SNPH: variants seen among roughly 807,000 people sequenced by gnomAD.
SNPH encodes syntaphilin.
Under a neutral mutation model 36.8 loss-of-function variants are expected in SNPH, and 10 were observed. That is an observed-to-expected ratio of 0.27 (90% CI 0.17 to 0.46). The LOEUF (loss-of-function observed/expected upper bound fraction) is 0.46, where lower values mean the gene tolerates loss of function less well. SNPH is among the 20% of genes least tolerant of loss of function. The probability of loss-of-function intolerance (pLI) is 1.00; values close to 1 mark genes in which losing one functional copy is unlikely to be tolerated. For missense variants in SNPH, 622 were observed against 744.0 expected (o/e 0.84, Z 1.91); for synonymous variants, 281 against 312.2 (o/e 0.90, Z 1.05).
rs1290599519 is a variant in SNPH, at chr20:1,285,758, C to T, written c.-492-9193C>T. The stretch of plus-strand genomic sequence containing the variant: ...TGTTCAAGCCGTGGTTTCTTTCTGT[C>T]GGGTTAGTCTGCCTGTCAGCAAAAG... On this transcript the variant is annotated intron_variant, in intron 2 of 6. Coordinates refer to ENST00000381867, the MANE Select transcript of SNPH (RefSeq NM_001318234.2). This position sits in a 1 kb window ranked among gnomAD's most constrained non-coding sequence, Gnocchi z 4.9. Among the ~76,000 whole-genome samples the T allele has an allele frequency of 2.0e-5, 3 of 152,096 alleles. No individual in the cohort carries two copies. Among genetic ancestry groups the T allele is most frequent in the Non-Finnish European group, 4.4e-5 (3 of 68,042 alleles).
intron 2 of SNPH, among the ~76,000 whole-genome samples, chr20:1,280,998 G>A (rs1259447685): frequency 6.6e-6 from 1 of 152,166 alleles, no homozygotes; most frequent in Non-Finnish European, 1.5e-5. Flanking sequence ...GCAACTCTGG[G>A]TGGAGTGGGG....
rs1172996029 is a variant in SNPH, at chr20:1,296,033, A to G, written c.-207A>G. 2 of 491,802 alleles carry G rather than the reference A, an allele frequency of 4.1e-6. No individual in the cohort carries two copies. The highest frequency in any genetic ancestry group is 7.0e-6 in the Non-Finnish European group (2 of 285,280). 30.5% of individuals were successfully genotyped at this position (491,802 alleles called of 1,614,324 possible). A position where few individuals can be genotyped will look rare whatever the true frequency, so the allele number is the denominator to read the frequency against. ...TCCTGAAGCCTCTGTGACCTTGGGC[A>G]CGGCCTTCACTCTGTCTGGGGCACA... On this transcript the variant is annotated 5_prime_UTR_variant, in exon 4 of 7. Transcript: ENST00000381867.
Position 1,294,051 on chromosome 20 carries a change from G to C in SNPH, c.-492-900G>C, listed in dbSNP as rs1006155974. Among the ~76,000 whole-genome samples the C allele has an allele frequency of 6.6e-6, 1 of 152,166 alleles. No individual in the cohort carries two copies. Among genetic ancestry groups the C allele is most frequent in the African/African-American group, 2.4e-5 (1 of 41,428 alleles). On this transcript the variant is annotated intron_variant, in intron 2 of 6. Coordinates refer to ENST00000381867, the MANE Select transcript of SNPH (RefSeq NM_001318234.2). This position sits in a 1 kb window ranked among gnomAD's most constrained non-coding sequence, Gnocchi z 4.4. ...CCTCTGCTGGAAAGTCCTCCTGAAG[G>C]CTCAGCCTCCTTTTTGCATCCTCCC...
intron 2 of SNPH, among the ~76,000 whole-genome samples, chr20:1,287,222 A>G (rs1343455621): frequency 6.6e-6 from 1 of 152,144 alleles, no homozygotes; most frequent in Non-Finnish European, 1.5e-5. Context: ...TCTCAATGTC[A>G]TTATTGCCAC....
At position 1,309,073 on chromosome 20, in the gene SNPH, T is replaced by G. The variant is rs1285654961; in HGVS notation, c.*3019T>G. The G allele has an allele frequency of 6.6e-6, 1 of 152,318 alleles. No homozygotes were observed. The highest frequency in any genetic ancestry group is 1.9e-4 in the East Asian group (1 of 5,178). 9.4% of individuals were successfully genotyped at this position (152,318 alleles called of 1,614,324 possible). ...CACTTTGGGGAGGGGTGGGACAAAC[T>G]GCAAGGTTCTGGGGCCAAGGCCTAC... On this transcript the variant is annotated 3_prime_UTR_variant, in exon 7 of 7. Coordinates refer to ENST00000381867, the MANE Select transcript of SNPH (RefSeq NM_001318234.2).
chr20:1,293,674 A>G (rs1230393271), intron 2 of SNPH, among the ~76,000 whole-genome samples: 1 of 152,196 alleles, frequency 6.6e-6, no homozygotes, highest in East Asian at 1.9e-4. Context: ...GTCCCATCCC[A>G]GCAGGGGAAA....
At chr20:1,281,539 C>G (rs1452793502) in intron 2 of SNPH, among the ~76,000 whole-genome samples, 1 of 152,198 alleles carries the variant, frequency 6.6e-6, no homozygotes, top group Admixed American at 6.5e-5. Context: ...TCTAGCAGTA[C>G]CCAGCCCCCT....
intron 2 of SNPH, among the ~76,000 whole-genome samples, chr20:1,271,990 G>C (rs1294454403): frequency 6.6e-6 from 1 of 152,162 alleles, no homozygotes. Context: ...AGGACATTCA[G>C]ATGACACTTA....
In SNPH at chr20:1,294,325, C is replaced by T. The variant is rs142509482; in HGVS notation, c.-492-626C>T. ...ATCCTTGGAGCCCTTGCCCATGTGCCCCTCTGCACCCTAAGCTGTTCCTGG... is the reference window on the plus strand; with the variant it reads ...ATCCTTGGAGCCCTTGCCCATGTGCTCCTCTGCACCCTAAGCTGTTCCTGG... On this transcript the variant is annotated intron_variant, in intron 2 of 6. Transcript: ENST00000381867. This position sits in a 1 kb window ranked among gnomAD's most constrained non-coding sequence, Gnocchi z 4.4. Among the ~76,000 whole-genome samples the T allele has an allele frequency of 1.3e-3, 201 of 152,288 alleles. No individual in the cohort carries two copies. Among genetic ancestry groups the T allele is most frequent in the Middle Eastern group, 3.4e-3 (1 of 294 alleles).
In SNPH at chr20:1,304,944, G is replaced by A. The variant is rs145538484; in HGVS notation, c.507G>A (p.Glu169=). ...SRMQEDWIEE[E]CHRVEAQLAL... ...TGCAGGAGGACTGGATTGAGGAGGA[G>A]TGCCACCGCGTGGAGGCCCAGCTGG... is the stretch of plus-strand genomic sequence containing the variant. Residue 169 remains glutamate, a synonymous_variant, in exon 7 of 7, where the codon GAG becomes GAA. Coordinates refer to ENST00000381867, the MANE Select transcript of SNPH (RefSeq NM_001318234.2). This position sits in a 1 kb window ranked among gnomAD's most constrained non-coding sequence, Gnocchi z 4.3. The A allele has an allele frequency of 6.2e-7, 1 of 1,613,690 alleles. No homozygotes were observed. Among genetic ancestry groups the A allele is most frequent in the Non-Finnish European group, 8.5e-7 (1 of 1,180,044 alleles).
chr20:1,305,323 C>A lies in SNPH; in HGVS notation c.886C>A (p.Leu296Met), dbSNP rs1360257407. The A allele has an allele frequency of 6.2e-7, 1 of 1,610,538 alleles. No homozygotes were observed. The highest frequency in any genetic ancestry group is 1.7e-5 in the Admixed American group (1 of 59,996). ...TGGCTTTGCAGCAGCCGATGACACA[C>A]TGAGCCGGACGGACGCGCTGGAAGC... Reference protein sequence around the residue: ...DSGFAAADDTLSRTDALEASS... With the variant: ...DSGFAAADDTMSRTDALEASS... Residue 296 changes from leucine to methionine, a missense_variant, in exon 7 of 7, where the codon CTG (leucine) becomes ATG (methionine). Coordinates refer to ENST00000381867, the MANE Select transcript of SNPH (RefSeq NM_001318234.2).
chr20:1,297,457 TA>T lies in SNPH; in HGVS notation c.290+212del, dbSNP rs1278268741. Among the ~76,000 whole-genome samples the T allele has an allele frequency of 2.0e-5, 3 of 152,202 alleles. No individual in the cohort carries two copies. In the South Asian group the frequency reaches 6.2e-4, roughly 32 times the overall value. On this transcript the variant is annotated intron_variant, in intron 5 of 6. Transcript: ENST00000381867. ...GGATATGATAATATACAGCTGGACA[TA>T]AAAAAATACAGTGGCCTAAACAAAC...
intron 5 of SNPH, among the ~76,000 whole-genome samples, chr20:1,297,990 G>A (rs758724739): frequency 6.6e-5 from 10 of 152,210 alleles, no homozygotes; most frequent in Admixed American, 2.0e-4. Flanking sequence ...AGGTGAACTC[G>A]GACTCACAAA....
chr20:1,296,309 CG>C lies in SNPH; in HGVS notation c.71del (p.Arg24ProfsTer44). ...GGCCCTTTCTGCGGGCCCCCCAACC[CG>C]CCCTCTCTCCTCAGCCCCCGGGATA... ...GPALSAGPPTRPLSSAPGIPP... is the reference protein window; with the variant it reads ...GPALSAGPPTXPLSSAPGIPP... On this transcript the variant is annotated frameshift_variant, in exon 4 of 7. Coordinates refer to ENST00000381867, the MANE Select transcript of SNPH (RefSeq NM_001318234.2). LOFTEE classifies it high-confidence loss of function. The C allele has an allele frequency of 6.3e-7, 1 of 1,586,884 alleles. No homozygotes were observed. Among genetic ancestry groups the C allele is most frequent in the Non-Finnish European group, 8.6e-7 (1 of 1,168,308 alleles).
At chr20:1,303,896 C>G (rs1471969695) in intron 6 of SNPH, among the ~76,000 whole-genome samples, 2 of 152,048 alleles carry the variant, frequency 1.3e-5, no homozygotes, top group Non-Finnish European at 2.9e-5. Flanking sequence ...AGCGAAAATG[C>G]CCAGGACAGG....
chr20:1,277,495 G>A (rs2088147277), intron 2 of SNPH, among the ~76,000 whole-genome samples: 1 of 150,434 alleles, frequency 6.6e-6, no homozygotes, highest in East Asian at 2.0e-4. Flanking sequence ...CTGTGTATCT[G>A]TATGTGTGTC....
At chr20:1,287,258 T>A (rs1415005851) in intron 2 of SNPH, among the ~76,000 whole-genome samples, 1 of 152,228 alleles carries the variant, frequency 6.6e-6, no homozygotes, top group Admixed American at 6.5e-5. Context: ...AGCATGGATA[T>A]TCCCTTCTTC....
intron 2 of SNPH, among the ~76,000 whole-genome samples, chr20:1,280,714 A>C (rs2088207217): frequency 6.6e-6 from 1 of 152,088 alleles, no homozygotes; most frequent in African/African-American, 2.4e-5. Flanking sequence ...GAGAGGATGG[A>C]GCTCCCTCAG....
At position 1,266,475 on chromosome 20, in the gene SNPH, G is replaced by C. The variant is rs1362545972; in HGVS notation, c.-600+78G>C. On this transcript the variant is annotated intron_variant, in intron 1 of 6. Transcript: ENST00000381867. This position sits in a 1 kb window ranked among gnomAD's most constrained non-coding sequence, Gnocchi z 6.0. ...CGCAGTCCAGAGTGCCGAGTGCCAG[G>C]GGGTGGGGTGGGGGCCGCGGGCCGC... The C allele has an allele frequency of 5.6e-6, 5 of 887,798 alleles. No individual in the cohort carries two copies. The highest frequency in any genetic ancestry group is 3.5e-5 in the African/African-American group (2 of 56,516). The allele number at this position is 887,798 out of a possible 1,614,324, so 55.0% of individuals were successfully genotyped here. A position where few individuals can be genotyped will look rare whatever the true frequency, so the allele number is the denominator to read the frequency against.
Sources: gnomAD v4.1 joint callset for allele counts (sites outside exome capture counted in the v4.1 genomes callset) on GRCh38, gnomAD v4.1.1 for gene constraint, Gnocchi (gnomAD v3.1) non-coding constraint, MANE v1.5 for transcripts, NCBI Gene and HGNC (gene_info 2026-07-23, HGNC 2026-07-21) for gene names.